Variants in EML5 observed in about 807,000 individuals in gnomAD.
EML5 encodes EMAP like 5, also known as echinoderm microtubule-associated protein-like 5.
In EML5, 120 loss-of-function variants were observed where a neutral mutation model predicts 250.0. That is an observed-to-expected ratio of 0.48 (90% CI 0.41 to 0.56). The LOEUF is 0.56. Ranked by LOEUF, EML5 falls within the 20% of genes least tolerant of loss-of-function variation. The probability of loss-of-function intolerance (pLI) is 0.00; values close to 1 mark genes in which losing one functional copy is unlikely to be tolerated. For missense variants in EML5, 2,006 were observed against 2,437.6 expected, an observed-to-expected ratio of 0.82 and a Z score of 3.73; for synonymous variants, 771 against 806.5, an observed-to-expected ratio of 0.96 and a Z score of 0.75.
chr14:88,641,898 T>G (rs1183007842), intron 31 of EML5, among the ~76,000 whole-genome samples: 3 of 152,170 alleles, frequency 2.0e-5, no homozygotes, highest in Non-Finnish European at 4.4e-5. Context: ...ATTCCTTTCT[T>G]GTTTATCTTA....
At chr14:88,772,388 G>T (rs555700346) in intron 1 of EML5, among the ~76,000 whole-genome samples, 1 of 152,126 alleles carries the variant, frequency 6.6e-6, no homozygotes, top group Non-Finnish European at 1.5e-5. Flanking sequence ...CATTTACCTC[G>T]GTAAAAACCC....
chr14:88,652,459 G>A (rs181622541), intron 27 of EML5, among the ~76,000 whole-genome samples: 1 of 152,118 alleles, frequency 6.6e-6, no homozygotes, highest in East Asian at 1.9e-4. Context: ...AAATCCATAG[G>A]TGCAAACTCA....
At chr14:88,703,053 A>G (rs140853433) in intron 13 of EML5, among the ~76,000 whole-genome samples, 5 of 152,234 alleles carry the variant, frequency 3.3e-5, no homozygotes, top group Middle Eastern at 3.4e-3. Flanking sequence ...AGCCTGAACA[A>G]TTAAAAAAAT....
intron 15 of EML5, 69 bp from the exon 16 acceptor site, chr14:88,695,523 A>C (rs903551873): frequency 4.2e-5 from 57 of 1,355,338 alleles, no homozygotes; most frequent in Non-Finnish European, 5.6e-5. Context: ...TTCAGTATAT[A>C]TTCTAAACCC....
chr14:88,634,193 T>A (rs759967343), intron 33 of EML5, among the ~76,000 whole-genome samples: 1 of 152,114 alleles, frequency 6.6e-6, no homozygotes, highest in Non-Finnish European at 1.5e-5. Flanking sequence ...GTGTAGTACC[T>A]CCCCTTTCTC....
chr14:88,789,025 T>G (rs1316204135), intron 1 of EML5, among the ~76,000 whole-genome samples: 1 of 151,708 alleles, frequency 6.6e-6, no homozygotes, highest in African/African-American at 2.4e-5. Flanking sequence ...ATTGCACCAT[T>G]GCACTATAGC....
At chr14:88,741,690 C>T (rs148841695) in intron 4 of EML5, among the ~76,000 whole-genome samples, 50 of 152,182 alleles carry the variant, frequency 3.3e-4, no homozygotes, top group African/African-American at 1.1e-3. Context: ...TGCACTCCAG[C>T]ATGGGCCACA....
chr14:88,618,899 A>C (rs1298245741), intron 39 of EML5, 87 bp from the exon 40 acceptor site: 1 of 1,381,854 alleles, frequency 7.2e-7, no homozygotes, highest in African/African-American at 1.5e-5. Flanking sequence ...TCTAGTTCTT[A>C]AAAGTAACGT....
At chr14:88,674,872 CA>C (rs1255488199) in intron 21 of EML5, among the ~76,000 whole-genome samples, 1 of 152,140 alleles carries the variant, frequency 6.6e-6, no homozygotes, top group African/African-American at 2.4e-5. Context: ...GGAAACTGGC[CA>C]AAACCAAGGG....
In EML5 at chr14:88,625,136, G is replaced by A. The variant is rs777514023; in HGVS notation, c.4741-9C>T. The A allele has an allele frequency of 6.2e-7, 1 of 1,613,158 alleles. No individual in the cohort carries two copies. The highest frequency in any genetic ancestry group is 1.1e-5 in the South Asian group (1 of 90,798). ...GTAAACGTCAAGTTATTCTGAAAAGGAGTGGGGGAGGGGGAGACAAACTCA... is the reference window on the plus strand; with the variant it reads ...GTAAACGTCAAGTTATTCTGAAAAGAAGTGGGGGAGGGGGAGACAAACTCA... On this transcript the variant is annotated splice_polypyrimidine_tract_variant and intron_variant, in intron 35 of 43. Coordinates refer to ENST00000554922, the MANE Select transcript of EML5 (RefSeq NM_183387.3).
intron 10 of EML5, among the ~76,000 whole-genome samples, chr14:88,707,477 C>T (rs891021509): frequency 2.0e-5 from 3 of 151,878 alleles, no homozygotes; most frequent in Admixed American, 2.0e-4. Context: ...TGGTATGTGG[C>T]ATTATACAGA....
intron 9 of EML5, among the ~76,000 whole-genome samples, chr14:88,712,759 T>C (rs1344387507): frequency 6.6e-6 from 1 of 152,106 alleles, no homozygotes; most frequent in East Asian, 1.9e-4. Context: ...AGAATAAAAC[T>C]GAATCTTATT....
rs907550409 is a variant in EML5, at chr14:88,613,664, A to C, written c.*2154T>G. 3 of 152,300 alleles carry C rather than the reference A, an allele frequency of 2.0e-5. No homozygotes were observed. In the South Asian group the frequency reaches 6.2e-4, roughly 32 times the overall value. The allele number at this position is 152,300 out of a possible 1,614,324, so 9.4% of individuals were successfully genotyped here. A position where few individuals can be genotyped will look rare whatever the true frequency, so the allele number is the denominator to read the frequency against. On this transcript the variant is annotated 3_prime_UTR_variant, in exon 44 of 44. Coordinates refer to ENST00000554922, the MANE Select transcript of EML5 (RefSeq NM_183387.3). The stretch of plus-strand genomic sequence containing the variant: ...CACCACAAAAAGGGACCACAAAAAA[A>C]GGAAGGAAATGAGCATGGTTGGCGA...
chr14:88,712,266 G>A lies in EML5; in HGVS notation c.1657+5C>T. On this transcript the variant is annotated splice_donor_5th_base_variant and intron_variant, in intron 10 of 43. Transcript: ENST00000554922. ...GGTTACTTAATATTTTGAAAGAAAA[G>A]GTACCTTTTCTTAAACATGGATATC... 1 of 1,593,236 alleles carries A rather than the reference G, an allele frequency of 6.3e-7. No homozygotes were observed. Among genetic ancestry groups the A allele is most frequent in the Non-Finnish European group, 8.6e-7 (1 of 1,164,016 alleles).
At chr14:88,691,991 CA>C (rs2092969575) in intron 17 of EML5, among the ~76,000 whole-genome samples, 1 of 152,128 alleles carries the variant, frequency 6.6e-6, no homozygotes, top group Non-Finnish European at 1.5e-5. Flanking sequence ...AGTTCTTTTC[CA>C]AGACAGAAAT....
At chr14:88,758,651 A>G (rs2094196335) in intron 1 of EML5, among the ~76,000 whole-genome samples, 1 of 152,216 alleles carries the variant, frequency 6.6e-6, no homozygotes, top group African/African-American at 2.4e-5. Context: ...TTACCGTATG[A>G]TCCAGCAATT....
chr14:88,691,427 T>C (rs968102842), intron 17 of EML5, among the ~76,000 whole-genome samples: 1 of 152,172 alleles, frequency 6.6e-6, no homozygotes, highest in Admixed American at 6.5e-5. Flanking sequence ...ATGGAAAAAG[T>C]TTGCCACCTT....
intron 37 of EML5, 21 bp downstream of exon 37, chr14:88,622,583 T>TTCTG: frequency 6.4e-7 from 1 of 1,564,404 alleles, no homozygotes; most frequent in Non-Finnish European, 8.7e-7. Context: ...CTGCACTGTA[T>TTCTG]CAGCTCATGG....
chr14:88,776,660 T>C (rs928948151), intron 1 of EML5, among the ~76,000 whole-genome samples: 10 of 151,712 alleles, frequency 6.6e-5, no homozygotes, highest in Non-Finnish European at 7.4e-5. Flanking sequence ...GCAGGTGAAC[T>C]GCTTGAGCCC....
Sources: gnomAD v4.1 joint callset for allele counts (sites outside exome capture counted in the v4.1 genomes callset) on GRCh38, gnomAD v4.1.1 for gene constraint, MANE v1.5 for transcripts, NCBI Gene and HGNC (gene_info 2026-07-23, HGNC 2026-07-21) for gene names.